ITSN2: variants seen among roughly 807,000 people sequenced by gnomAD.
The protein encoded by ITSN2 is intersectin 2.
Under a neutral mutation model 243.7 loss-of-function variants are expected in ITSN2, and 156 were observed. That is an observed-to-expected ratio of 0.64 (90% CI 0.56 to 0.73). The LOEUF (loss-of-function observed/expected upper bound fraction) is 0.73. Ranked by LOEUF, ITSN2 falls within the 30% of genes least tolerant of loss-of-function variation. ITSN2 has a pLI of 0.00. For missense variants in ITSN2, 1,801 were observed against 1,996.1 expected, an observed-to-expected ratio of 0.90 and a Z score of 1.86; for synonymous variants, 703 against 699.9, an observed-to-expected ratio of 1.00 and a Z score of -0.07.
chr2:24,247,503 G>A (rs1229923188), intron 27 of ITSN2, among the ~76,000 whole-genome samples: 1 of 152,148 alleles, frequency 6.6e-6, no homozygotes, highest in Non-Finnish European at 1.5e-5. Flanking sequence ...GAACTTGAGA[G>A]TAGTCTTGAA....
intron 1 of ITSN2, among the ~76,000 whole-genome samples, chr2:24,346,069 G>A (rs1446282607): frequency 6.6e-6 from 1 of 152,158 alleles, no homozygotes; most frequent in Non-Finnish European, 1.5e-5. Context: ...GTCTAGCAGT[G>A]TCTACCCTTC....
intron 24 of ITSN2, 113 bp from the exon 25 acceptor site, chr2:24,252,624 G>T (rs979291599): frequency 1.6e-5 from 9 of 578,106 alleles, no homozygotes; most frequent in Middle Eastern, 3.0e-4. Context: ...AAGACCTTGT[G>T]CCTTCAGGAA....
intron 1 of ITSN2, among the ~76,000 whole-genome samples, chr2:24,337,336 A>ATATATATATATGTG (rs1558650631): frequency 2.7e-5 from 3 of 111,090 alleles, no homozygotes; most frequent in Non-Finnish European, 3.7e-5. Flanking sequence ...ATATATATAT[A>ATATATATATATGTG]TATATATATA....
At chr2:24,230,586 G>A (rs1671482327) in intron 29 of ITSN2, among the ~76,000 whole-genome samples, 1 of 152,082 alleles carries the variant, frequency 6.6e-6, no homozygotes, top group Non-Finnish European at 1.5e-5. Context: ...TGGCCAACAT[G>A]GTGGAACCCC....
In ITSN2 at chr2:24,204,261, G is replaced by A. The variant is rs749410131; in HGVS notation, c.4920C>T (p.Asp1640=). ...GACACTTACCATCTGGTGAAAACTG[G>A]TCTCTGTCAAACAGGGTGAGACACA... The part of the protein sequence containing the change: ...DVLCLTLFDR[D]QFSPDDFLGR... The change falls in exon 39 of 40, where the codon GAC becomes GAT. Residue 1640 remains aspartate (D), a synonymous_variant. Transcript: ENST00000355123. The surrounding 1 kb of genome is among the most constrained non-coding windows in gnomAD (Gnocchi z 5.1). The A allele has an allele frequency of 6.2e-7, 1 of 1,614,050 alleles. No individual in the cohort carries two copies. The highest frequency in any genetic ancestry group is 8.5e-7 in the Non-Finnish European group (1 of 1,180,004).
chr2:24,287,308 TTCTGAC>T (rs1273556523), intron 15 of ITSN2, among the ~76,000 whole-genome samples: 1 of 152,130 alleles, frequency 6.6e-6, no homozygotes, highest in Non-Finnish European at 1.5e-5. Flanking sequence ...ATAACTACCT[TTCTGAC>T]TGGTATGGGT....
At chr2:24,352,515 T>C (rs192259926) in intron 1 of ITSN2, among the ~76,000 whole-genome samples, 2 of 152,272 alleles carry the variant, frequency 1.3e-5, no homozygotes, top group African/African-American at 2.4e-5. Flanking sequence ...ATACAAAGCA[T>C]TAAGACCTAA....
At chr2:24,331,068 CTTTTTTTTTTT>C (rs1182993261) in intron 1 of ITSN2, among the ~76,000 whole-genome samples, 3 of 111,766 alleles carry the variant, frequency 2.7e-5, no homozygotes, top group Non-Finnish European at 3.6e-5. Context: ...CACCCGGCCA[CTTTTTTTTTTT>C]TTTTTTTTTA....
At chr2:24,353,291 A>G (rs1021451390) in intron 1 of ITSN2, among the ~76,000 whole-genome samples, 2 of 152,218 alleles carry the variant, frequency 1.3e-5, no homozygotes, top group African/African-American at 4.8e-5. Context: ...AAATGTTAAC[A>G]TCACTAATAA....
rs545000003 is a variant in ITSN2, at chr2:24,302,940, C to T, written c.858-838G>A. ...TTATAATGGAGCTGAAAAATTCCTA[C>T]CACCTAAGGACACTGTAGCTGTCAT... is the stretch of plus-strand genomic sequence containing the variant. On this transcript the variant is annotated intron_variant, in intron 9 of 39. Transcript: ENST00000355123. Among the ~76,000 whole-genome samples, 3 of 152,266 alleles carry T rather than the reference C, an allele frequency of 2.0e-5. No individual in the cohort carries two copies. The South Asian group carries it at 6.2e-4, about 32-fold the overall frequency.
At chr2:24,313,366 A>G in intron 4 of ITSN2, 94 bp downstream of exon 4, 1 of 968,318 alleles carries the variant, frequency 1.0e-6, no homozygotes, top group East Asian at 2.6e-5. Context: ...TTAATAACCA[A>G]TAGAATGCAA....
intron 15 of ITSN2, among the ~76,000 whole-genome samples, chr2:24,289,619 G>C (rs1679977117): frequency 6.6e-6 from 1 of 152,156 alleles, no homozygotes; most frequent in South Asian, 2.1e-4. Flanking sequence ...AGTCCTGCTA[G>C]TACTTCCAGC....
At chr2:24,291,566 T>G (rs1443598765) in intron 15 of ITSN2, among the ~76,000 whole-genome samples, 1 of 149,998 alleles carries the variant, frequency 6.7e-6, no homozygotes. Context: ...CTCAGCTCAC[T>G]GCAGCCTCTG....
At chr2:24,263,581 A>G (rs1676200891) in intron 20 of ITSN2, among the ~76,000 whole-genome samples, 1 of 152,030 alleles carries the variant, frequency 6.6e-6, no homozygotes, top group Admixed American at 6.6e-5. Context: ...GCCCCTCCCC[A>G]TGACCTTCCC....
At chr2:24,235,120 G>A (rs1672006899) in intron 29 of ITSN2, among the ~76,000 whole-genome samples, 1 of 152,168 alleles carries the variant, frequency 6.6e-6, no homozygotes, top group Non-Finnish European at 1.5e-5. Flanking sequence ...GTGGATAACT[G>A]TGGTATACCC....
chr2:24,203,119 G>A lies in ITSN2; in HGVS notation c.*507C>T, dbSNP rs1668495530. ...ATCTAATCAGGAATAAAATGATCAA[G>A]TTTCTGTTTTTATTCAGTGCACGAG... is the stretch of plus-strand genomic sequence containing the variant. On this transcript the variant is annotated 3_prime_UTR_variant, in exon 40 of 40. Transcript: ENST00000355123. The A allele has an allele frequency of 6.5e-6, 1 of 152,910 alleles. No homozygotes were observed. The allele number at this position is 152,910 out of a possible 1,614,324, so 9.5% of individuals were successfully genotyped here.
chr2:24,244,298 A>G (rs1205134781), intron 29 of ITSN2, among the ~76,000 whole-genome samples: 1 of 152,228 alleles, frequency 6.6e-6, no homozygotes, highest in African/African-American at 2.4e-5. Flanking sequence ...ATTTCTCTAG[A>G]GTAATTTTTA....
At chr2:24,224,210 T>TA (rs1174771600) in intron 29 of ITSN2, among the ~76,000 whole-genome samples, 2 of 152,244 alleles carry the variant, frequency 1.3e-5, no homozygotes, top group African/African-American at 4.8e-5. Flanking sequence ...ACCACTGTCT[T>TA]ACAAACTTCA....
Position 24,245,531 on chromosome 2 carries a change from T to G in ITSN2, c.3577+598A>C, listed in dbSNP as rs1336100903. ...TTTCACCTTGTTGCCCATGCTGGAG[T>G]GCAGTGTGTGTGATCATGACTTACT... On this transcript the variant is annotated intron_variant, in intron 29 of 39. Transcript: ENST00000355123. Among the ~76,000 whole-genome samples the G allele has an allele frequency of 4.6e-5, 7 of 151,646 alleles. No homozygotes were observed. In the East Asian group the frequency reaches 1.4e-3, roughly 29 times the overall value.
Sources: allele counts gnomAD v4.1 joint callset (sites outside exome capture counted in the v4.1 genomes callset), GRCh38; gene constraint gnomAD v4.1.1; non-coding constraint Gnocchi (gnomAD v3.1); transcripts MANE v1.5; gene names NCBI Gene and HGNC (gene_info 2026-07-23, HGNC 2026-07-21).